The following THSD7B variants were observed in gnomAD, a reference collection of about 807,000 sequenced individuals.
The protein encoded by THSD7B is thrombospondin type 1 domain containing 7B, also known as thrombospondin type-1 domain-containing protein 7B.
A neutral mutation model predicts 213.6 loss-of-function variants in THSD7B; 138 were observed. The ratio of observed to expected loss-of-function variants is 0.65; its 90% CI spans 0.56 to 0.74. The LOEUF (loss-of-function observed/expected upper bound fraction) is 0.74, where lower values mean the gene tolerates loss of function less well. THSD7B is among the 30% of genes least tolerant of loss of function. The probability of loss-of-function intolerance (pLI) is 0.00; values close to 1 mark genes in which losing one functional copy is unlikely to be tolerated. For synonymous variants in THSD7B, 742 were observed against 687.0 expected, an observed-to-expected ratio of 1.08 and a Z score of -1.25; for missense variants, 1,931 against 1,991.5, an observed-to-expected ratio of 0.97 and a Z score of 0.58.
intron 2 of THSD7B, among the ~76,000 whole-genome samples, chr2:136,887,524 C>G (rs961400417): frequency 6.6e-6 from 1 of 151,966 alleles, no homozygotes; most frequent in Non-Finnish European, 1.5e-5. Context: ...TGAGTGAGTT[C>G]TTGCTTTATT....
intron 7 of THSD7B, among the ~76,000 whole-genome samples, chr2:137,207,675 A>C (rs1434776891): frequency 6.6e-6 from 1 of 152,048 alleles, no homozygotes; most frequent in Non-Finnish European, 1.5e-5. Context: ...AGACATTTGG[A>C]GAGTGGGTTC....
At chr2:137,354,605 A>G (rs1212376529) in intron 12 of THSD7B, among the ~76,000 whole-genome samples, 2 of 152,130 alleles carry the variant, frequency 1.3e-5, no homozygotes, top group African/African-American at 4.8e-5. Context: ...AGTAAGAAAT[A>G]GCCTTAAGTT....
At chr2:137,111,579 G>A (rs1339771029) in intron 4 of THSD7B, among the ~76,000 whole-genome samples, 4 of 152,126 alleles carry the variant, frequency 2.6e-5, no homozygotes, top group Non-Finnish European at 5.9e-5. Flanking sequence ...GGGTTGCTGG[G>A]AGGATTAAAT....
intron 12 of THSD7B, among the ~76,000 whole-genome samples, chr2:137,278,643 C>A (rs541889540): frequency 6.6e-6 from 1 of 152,120 alleles, no homozygotes; most frequent in South Asian, 2.1e-4. Context: ...ATTCATGGAC[C>A]ACTGCTGTTC....
At chr2:137,334,615 A>G (rs1684596594) in intron 12 of THSD7B, among the ~76,000 whole-genome samples, 1 of 152,088 alleles carries the variant, frequency 6.6e-6, no homozygotes, top group Admixed American at 6.6e-5. Flanking sequence ...ATCAGCATCA[A>G]TCACTGACCA....
chr2:137,101,188 C>T (rs1688143182), intron 4 of THSD7B, among the ~76,000 whole-genome samples: 1 of 152,072 alleles, frequency 6.6e-6, no homozygotes, highest in African/African-American at 2.4e-5. Flanking sequence ...CAGGCATGTG[C>T]CACCATGCCT....
rs922710703 is a variant in THSD7B at position 137,096,757 on chromosome 2, G to A, written c.1199+1636G>A. 1.1e-4 allele frequency among the ~76,000 whole-genome samples: 16 copies of A among 152,280 alleles called. No individual in the cohort carries two copies. In the East Asian group the frequency reaches 1.9e-3, roughly 18 times the overall value. Reference sequence around the variant, plus strand: ...AAAATTGTATCTTCATCACTTACTAGCAGTATGATCTTGAACAAGCTATAC... The same window carrying A: ...AAAATTGTATCTTCATCACTTACTAACAGTATGATCTTGAACAAGCTATAC... On this transcript the variant is annotated intron_variant, in intron 4 of 27. Coordinates refer to ENST00000409968, the MANE Select transcript of THSD7B (RefSeq NM_001316349.2).
At chr2:137,271,444 ATATATAATATAATATAT>A (rs1378440530) in intron 10 of THSD7B, among the ~76,000 whole-genome samples, 5 of 129,244 alleles carry the variant, frequency 3.9e-5, no homozygotes, top group African/African-American at 1.6e-4. Flanking sequence ...ATATAATATA[ATATATAATATAATATAT>A]AATATAATAT....
chr2:137,135,136 C>T (rs1389288961), intron 5 of THSD7B, among the ~76,000 whole-genome samples: 1 of 152,136 alleles, frequency 6.6e-6, no homozygotes, highest in African/African-American at 2.4e-5. Context: ...TAAATGTTAA[C>T]TCTTAAATTA....
intron 15 of THSD7B, among the ~76,000 whole-genome samples, chr2:137,507,709 C>CT (rs1449874864): frequency 4.0e-5 from 6 of 151,698 alleles, no homozygotes; most frequent in African/African-American, 9.7e-5. Context: ...TTTCTTTCTC[C>CT]TTTTTTCTGT....
rs140852009 is a variant in THSD7B at position 137,611,005 on chromosome 2, TAAATAAA to T, written c.3424-5161_3424-5155del. On this transcript the variant is annotated intron_variant, in intron 17 of 27. Coordinates refer to ENST00000409968, the MANE Select transcript of THSD7B (RefSeq NM_001316349.2). ...ACTTAAAGTATAATAATAATAATAA[TAAATAAA>T]AAATAAAATAAAAAATAAAAAAGTT... Among the ~76,000 whole-genome samples, 6 of 146,352 alleles carry T rather than the reference TAAATAAA, an allele frequency of 4.1e-5. No homozygotes were observed. In the East Asian group the frequency reaches 1.0e-3, roughly 24 times the overall value.
At chr2:136,882,000 C>T (rs1335632252) in intron 1 of THSD7B, 144 bp from the exon 2 acceptor site, 5 of 465,846 alleles carry the variant, frequency 1.1e-5, no homozygotes, top group African/African-American at 2.0e-5. Context: ...TGTAGCTTTT[C>T]CCACAGGGTT....
chr2:137,378,829 C>T (rs893618877), intron 12 of THSD7B, among the ~76,000 whole-genome samples: 1 of 152,194 alleles, frequency 6.6e-6, no homozygotes, highest in African/African-American at 2.4e-5. Context: ...CTAGCATTCC[C>T]TCCTGGACTT....
At chr2:137,670,070 A>G (rs765005505) in intron 27 of THSD7B, among the ~76,000 whole-genome samples, 20 of 152,318 alleles carry the variant, frequency 1.3e-4, no homozygotes, top group East Asian at 7.7e-4. Flanking sequence ...TAAAATACCA[A>G]TGAAATTTCT....
intron 2 of THSD7B, among the ~76,000 whole-genome samples, chr2:136,891,394 T>C (rs2105001984): frequency 6.6e-6 from 1 of 152,348 alleles, no homozygotes; most frequent in Middle Eastern, 3.4e-3. Context: ...AATATTTTTG[T>C]GTGGAGAGCT....
At chr2:136,840,583 C>T (rs572630441) in intron 1 of THSD7B, among the ~76,000 whole-genome samples, 4 of 151,860 alleles carry the variant, frequency 2.6e-5, no homozygotes, top group Non-Finnish European at 2.9e-5. Flanking sequence ...ATTGGAAGTT[C>T]GAAGGATTGG....
At chr2:137,647,446 A>AC (rs941828802) in intron 21 of THSD7B, among the ~76,000 whole-genome samples, 4 of 21,282 alleles carry the variant, frequency 1.9e-4, no homozygotes, top group African/African-American at 5.7e-4. Flanking sequence ...TCTCTCCCCA[A>AC]CCCCCCCGCC....
chr2:136,843,149 C>A (rs958306760), intron 1 of THSD7B, among the ~76,000 whole-genome samples: 2 of 116,450 alleles, frequency 1.7e-5, no homozygotes. Context: ...CTTTTTCTTT[C>A]GTGAAACTTA....
intron 1 of THSD7B, among the ~76,000 whole-genome samples, chr2:136,768,015 C>T (rs1033214127): frequency 4.6e-5 from 7 of 152,098 alleles, no homozygotes; most frequent in Non-Finnish European, 1.0e-4. Flanking sequence ...ATCATATAAA[C>T]AATGTAAATA....
Sources: allele counts gnomAD v4.1 joint callset (sites outside exome capture counted in the v4.1 genomes callset), GRCh38; gene constraint gnomAD v4.1.1; transcripts MANE v1.5; gene names NCBI Gene and HGNC (gene_info 2026-07-23, HGNC 2026-07-21).